Variants in NBPF12 observed in about 807,000 individuals in gnomAD.
The protein encoded by NBPF12 is NBPF family member NBPF12.
NBPF12 carries 115 observed loss-of-function variants against 146.4 expected under a neutral mutation model. The ratio of observed to expected loss-of-function variants is 0.79; its 90% CI spans 0.68 to 0.92. The LOEUF is 0.92. NBPF12 is among the 40% of genes least tolerant of loss of function. The pLI, the probability that NBPF12 is intolerant of heterozygous loss-of-function variation, is 0.00. For missense variants in NBPF12, 1,205 were observed against 1,326.8 expected (o/e 0.91, Z 1.43); for synonymous variants, 385 against 508.9 (o/e 0.76, Z 3.28).
intron 2 of NBPF12, among the ~76,000 whole-genome samples, chr1:146,953,451 C>T (rs1377642144): frequency 2.6e-4 from 34 of 131,394 alleles, no homozygotes; most frequent in African/African-American, 8.0e-4. Context: ...AAGTGTGATC[C>T]GCCCGCCTCA....
rs1553886773 is a variant in NBPF12, at chr1:146,972,793, T to C, written c.1634T>C (p.Val545Ala). 216 of 1,298,670 alleles carry C rather than the reference T, an allele frequency of 1.7e-4. 1 individual carries two copies. The highest frequency in any genetic ancestry group is 2.3e-4 in the Non-Finnish European group (205 of 895,466). The allele number at this position is 1,298,670 out of a possible 1,614,324, so 80.4% of individuals were successfully genotyped here. A position where few individuals can be genotyped will look rare whatever the true frequency, so the allele number is the denominator to read the frequency against. Residue 545 changes from valine (V) to alanine (A), a missense_variant, in exon 14 of 34, where the codon GTA becomes GCA. Physicochemically the swap from Val to Ala is moderately conservative, Grantham distance 64 (BLOSUM62 0). Coordinates refer to ENST00000617844, the Ensembl canonical transcript of NBPF12. ...TCTGCCACAAACGTCAGCATGGTGG[T>C]ATCAGCCGGCCCTTTGTCCAGCGAG... is the stretch of plus-strand genomic sequence containing the variant.
rs1553886809 is a variant in NBPF12 at position 146,972,897 on chromosome 1, C to G, written c.1738C>G (p.Leu580Val). 3.3e-4 allele frequency: 355 copies of G among 1,061,250 alleles called. 1 individual carries two copies. Among genetic ancestry groups the G allele is most frequent in the Non-Finnish European group, 4.9e-4 (329 of 677,258 alleles). The allele number at this position is 1,061,250 out of a possible 1,614,324, so 65.7% of individuals were successfully genotyped here. The stretch of plus-strand genomic sequence containing the variant: ...AGAGAAGAAACAGCAGTTCAGAAGC[C>G]TCAAAGAGAAATGTTTTGTAACTCA... Residue 580 changes from leucine to valine, a missense_variant, in exon 14 of 34, where the codon CTC (leucine) becomes GTC (valine). This residue lies in a region of NBPF12 where 278 missense variants were observed against 203.1 expected (regional missense o/e 1.37). Transcript: ENST00000617844.
chr1:146,985,950 C>CTA (rs1222642005), intron 23 of NBPF12, among the ~76,000 whole-genome samples, 194 bp downstream of exon 26: 2 of 150,740 alleles, frequency 1.3e-5, no homozygotes, highest in African/African-American at 2.5e-5. Context: ...TACTAACTTA[C>CTA]TATAGGTTGA....
chr1:146,956,158 AAC>A (rs1655577640), intron 2 of NBPF12, among the ~76,000 whole-genome samples: 1 of 151,786 alleles, frequency 6.6e-6, no homozygotes, highest in Non-Finnish European at 1.5e-5. Flanking sequence ...TGAAAGTACA[AAC>A]ATACATGGTA....
intron 1 of NBPF12, 36 bp from the exon 5 acceptor site, chr1:146,951,312 G>T: frequency 2.9e-6 from 2 of 688,050 alleles, no homozygotes; most frequent in South Asian, 3.2e-5. Flanking sequence ...CTTTTCCTCT[G>T]GGGAGGTAAA....
chr1:146,949,004 G>A (rs1462269625), upstream of NBPF12, among the ~76,000 whole-genome samples: 1 of 151,782 alleles, frequency 6.6e-6, no homozygotes, highest in African/African-American at 2.4e-5. Flanking sequence ...TGTTTATGAT[G>A]CAGAGACATT....
At chr1:146,960,625 G>A (rs1205688228) in intron 4 of NBPF12, among the ~76,000 whole-genome samples, 4 of 151,896 alleles carry the variant, frequency 2.6e-5, no homozygotes, top group Admixed American at 6.6e-5. Context: ...AATCCTCTCT[G>A]TACCATATAA....
At chr1:146,977,139 A>G in intron 17 of NBPF12, 138 bp downstream of exon 20, 2 of 885,782 alleles carry the variant, frequency 2.3e-6, no homozygotes, top group South Asian at 2.7e-5. Context: ...AACCCAGCTT[A>G]GACACAGGGT....
chr1:146,944,926 G>A (rs1248381268), upstream of NBPF12, among the ~76,000 whole-genome samples: 2 of 23,028 alleles, frequency 8.7e-5, no homozygotes, highest in East Asian at 2.4e-3. Context: ...CTCCCTCCCT[G>A]CCTCCCTCCC....
chr1:146,977,963 T>G (rs1434609704), intron 18 of NBPF12, among the ~76,000 whole-genome samples: 5 of 152,044 alleles, frequency 3.3e-5, no homozygotes, highest in Non-Finnish European at 7.3e-5. Flanking sequence ...GTATCTCTTG[T>G]CATCTGTGAT....
At chr1:146,975,212 T>G (rs1331356549) in intron 15 of NBPF12, among the ~76,000 whole-genome samples, 1 of 137,782 alleles carries the variant, frequency 7.3e-6, no homozygotes, top group Non-Finnish European at 1.5e-5. Context: ...CGGCTTCTCA[T>G]TCTTTCACTC....
At chr1:146,977,636 A>T (rs1570877932) in exon 18 of NBPF12, 6 of 1,190,442 alleles carry the variant, frequency 5.0e-6, no homozygotes, top group Non-Finnish European at 7.5e-6. Context: ...TCATCCTCTC[A>T]TGTTGAATGG....
chr1:146,977,041 A>G (rs1404879002), intron 17 of NBPF12, 40 bp downstream of exon 20: 3 of 671,850 alleles, frequency 4.5e-6, no homozygotes, highest in African/African-American at 3.8e-5. Flanking sequence ...GGATGGTAAC[A>G]TATGAAGAAT....
intron 5 of NBPF12, among the ~76,000 whole-genome samples, chr1:146,962,668 A>C (rs1386708001): frequency 0.012 from 1,858 of 150,310 alleles, 38 homozygotes; most frequent in African/African-American, 0.044. Flanking sequence ...TGACCCTGTC[A>C]TTCTTTTCTT....
At chr1:146,973,032 T>C (rs1656756257) in intron 14 of NBPF12, 72 bp downstream of exon 17, 4 of 785,326 alleles carry the variant, frequency 5.1e-6, no homozygotes, top group Non-Finnish European at 9.4e-6. Context: ...AACTAAGTGC[T>C]CTCTCCATCA....
At chr1:146,967,473 C>A (rs1384565157) in intron 9 of NBPF12, among the ~76,000 whole-genome samples, 2 of 149,166 alleles carry the variant, frequency 1.3e-5, no homozygotes, top group African/African-American at 5.0e-5. Context: ...TGCACTCCAG[C>A]CTGGGTGACA....
chr1:146,963,291 G>A (rs1655976287), exon 6 of NBPF12: 2 of 1,611,962 alleles, frequency 1.2e-6, no homozygotes, highest in Non-Finnish European at 1.7e-6. Flanking sequence ...ACAGCAACTT[G>A]TCCAAAAGCT....
chr1:146,961,758 C>A (rs1248025618), intron 4 of NBPF12, among the ~76,000 whole-genome samples: 1 of 151,888 alleles, frequency 6.6e-6, no homozygotes, highest in Non-Finnish European at 1.5e-5. Flanking sequence ...GGGAAACCAT[C>A]AGTCCCATAG....
intron 7 of NBPF12, 24 bp from the exon 11 acceptor site, chr1:146,964,869 T>C (rs1656090781): frequency 6.5e-7 from 1 of 1,548,732 alleles, no homozygotes; most frequent in Non-Finnish European, 8.9e-7. Flanking sequence ...TCTTCTGTCA[T>C]CTCTGTCCCA....
Sources: gnomAD v4.1 joint callset for allele counts (sites outside exome capture counted in the v4.1 genomes callset) on GRCh38, gnomAD v4.1.1 for gene constraint, gnomAD v4.1.1 regional missense constraint, MANE v1.5 for transcripts, NCBI Gene and HGNC (gene_info 2026-07-23, HGNC 2026-07-21) for gene names.